The following EHHADH variants were observed in gnomAD, a reference collection of about 807,000 sequenced individuals.
EHHADH encodes enoyl-CoA hydratase and 3-hydroxyacyl CoA dehydrogenase.
EHHADH carries 48 observed loss-of-function variants against 64.4 expected under a neutral mutation model. The ratio of observed to expected loss-of-function variants is 0.75; its 90% CI spans 0.59 to 0.95. EHHADH has a LOEUF of 0.95. Among genes scored for constraint, EHHADH ranks in the 40% least tolerant of loss-of-function variants. The pLI, the probability that EHHADH is intolerant of heterozygous loss-of-function variation, is 0.00. For missense variants in EHHADH, 854 were observed against 876.6 expected (o/e 0.97, Z 0.33); for synonymous variants, 308 against 326.7 (o/e 0.94, Z 0.62).
At position 185,205,969 on chromosome 3, in the gene EHHADH, C is replaced by T. The variant is rs148138622; in HGVS notation, c.569-1212G>A. 4.4e-3 allele frequency among the ~76,000 whole-genome samples: 663 copies of T among 152,020 alleles called. 10 individuals carry two copies. The highest frequency in any genetic ancestry group is 0.015 in the African/African-American group (607 of 41,460). ...AAAGAGGGGCTGTAGGAACAAGCAC[C>T]GAGAAAGTAAGTCAACTATAACCTA... On this transcript the variant is annotated intron_variant, in intron 5 of 6. Transcript: ENST00000231887.
At chr3:185,237,742 T>C (rs1191317216) in intron 2 of EHHADH, among the ~76,000 whole-genome samples, 1 of 152,180 alleles carries the variant, frequency 6.6e-6, no homozygotes, top group Non-Finnish European at 1.5e-5. Context: ...AGCTTCACAG[T>C]ACACTAAGAT....
At chr3:185,245,283 C>T (rs1282978676) in intron 2 of EHHADH, among the ~76,000 whole-genome samples, 1 of 152,212 alleles carries the variant, frequency 6.6e-6, no homozygotes, top group Non-Finnish European at 1.5e-5. Context: ...GTAGTCTATA[C>T]ATATGTCAAC....
rs1717899860 is a variant in EHHADH at position 185,192,369 on chromosome 3, C to G, written c.2029G>C (p.Glu677Gln). The change falls in exon 7 of 7, where the codon GAG becomes CAG. Residue 677 changes from glutamate (E) to glutamine (Q), a missense_variant. Physicochemically the swap from Glu to Gln is conservative, Grantham distance 29 (BLOSUM62 2). Coordinates refer to ENST00000231887, the MANE Select transcript of EHHADH (RefSeq NM_001966.4). ...ASTVGLPTVL[E>Q]KLQKYYRQNP... ...TGCCTGTAATATTTCTGCAATTTCT[C>G]TAGAACTGTGGGCAACCCAACTGTG... 1 of 1,614,182 alleles carries G rather than the reference C, an allele frequency of 6.2e-7. No individual in the cohort carries two copies. Among genetic ancestry groups the G allele is most frequent in the Non-Finnish European group, 8.5e-7 (1 of 1,180,040 alleles).
chr3:185,229,131 G>A (rs530738093), intron 4 of EHHADH, among the ~76,000 whole-genome samples: 1 of 152,296 alleles, frequency 6.6e-6, no homozygotes, highest in African/African-American at 2.4e-5. Flanking sequence ...TGAATATAAT[G>A]CAGTCTATGT....
At position 185,204,652 on chromosome 3, in the gene EHHADH, G is replaced by A. The variant is rs772810052; in HGVS notation, c.674C>T (p.Pro225Leu). The change falls in exon 6 of 7, where the codon CCT (proline) becomes CTT (leucine). Residue 225 changes from proline (P) to leucine (L), a missense_variant. Coordinates refer to ENST00000231887, the MANE Select transcript of EHHADH (RefSeq NM_001966.4). Reference sequence around the variant, plus strand: ...ACAAGCCTCCTGTGCAAGACACCCAGGGTGCTGCCTCCGCATCTTCAAGAG... The same window carrying A: ...ACAAGCCTCCTGTGCAAGACACCCAAGGTGCTGCCTCCGCATCTTCAAGAG... ...EALLKMRRQH[P>L]GCLAQEACVR... 9 of 1,614,100 alleles carry A rather than the reference G, an allele frequency of 5.6e-6. No homozygotes were observed. The highest frequency in any genetic ancestry group is 4.4e-5 in the South Asian group (4 of 91,086).
intron 4 of EHHADH, among the ~76,000 whole-genome samples, chr3:185,224,096 T>C (rs1718906272): frequency 1.3e-5 from 2 of 152,284 alleles, no homozygotes; most frequent in African/African-American, 4.8e-5. Flanking sequence ...TAATTTCCTA[T>C]GGGAACAGTG....
chr3:185,204,546 C>A lies in EHHADH; in HGVS notation c.780G>T (p.Leu260Phe), dbSNP rs775900075. ...GCAGGGCTCTAGCCTGCCCTGATTG[C>A]AAAAGATATAGAAACAGCTCCTCCT... ...KKEEELFLYL[L>F]QSGQARALQY... Residue 260 changes from leucine to phenylalanine, a missense_variant, in exon 6 of 7, where the codon TTG becomes TTT. Physicochemically the swap from Leu to Phe is conservative, Grantham distance 22. Coordinates refer to ENST00000231887, the MANE Select transcript of EHHADH (RefSeq NM_001966.4). 6.2e-7 allele frequency: 1 copy of A among 1,614,174 alleles called. No homozygotes were observed. Among genetic ancestry groups the A allele is most frequent in the South Asian group, 1.1e-5 (1 of 91,082 alleles).
At chr3:185,239,796 G>A (rs557942860) in intron 2 of EHHADH, among the ~76,000 whole-genome samples, 3 of 152,210 alleles carry the variant, frequency 2.0e-5, no homozygotes, top group Non-Finnish European at 2.9e-5. Context: ...GATTGCTCTG[G>A]CTAGGACTTC....
At position 185,201,611 on chromosome 3, in the gene EHHADH, C is replaced by T. The variant is rs954712296; in HGVS notation, c.910+2805G>A. On this transcript the variant is annotated intron_variant, in intron 6 of 6. Transcript: ENST00000231887. The stretch of plus-strand genomic sequence containing the variant: ...GGAAGGTTGCATCACGAAGATGAAA[C>T]GCATGGCAGTGTAGCAATACACATG... Among the ~76,000 whole-genome samples the T allele has an allele frequency of 5.3e-5, 8 of 152,234 alleles. No individual in the cohort carries two copies. The South Asian group carries it at 8.3e-4, about 16-fold the overall frequency.
chr3:185,228,818 T>G (rs374829302), intron 4 of EHHADH, among the ~76,000 whole-genome samples: 1 of 152,196 alleles, frequency 6.6e-6, no homozygotes, highest in African/African-American at 2.4e-5. Context: ...ATTACAATTT[T>G]TTTTTAGATG....
intron 5 of EHHADH, among the ~76,000 whole-genome samples, chr3:185,206,983 G>C (rs1560009944): frequency 1.3e-5 from 2 of 151,934 alleles, no homozygotes; most frequent in African/African-American, 4.8e-5. Context: ...AGATGTATAG[G>C]TGAGAGTAAG....
intron 5 of EHHADH, among the ~76,000 whole-genome samples, chr3:185,205,831 C>G (rs1718373794): frequency 6.6e-6 from 1 of 151,976 alleles, no homozygotes; most frequent in South Asian, 2.1e-4. Flanking sequence ...CCAGAGGGAA[C>G]AGAACTGAGA....
At chr3:185,249,163 C>G (rs1185937663) in intron 1 of EHHADH, among the ~76,000 whole-genome samples, 1 of 151,642 alleles carries the variant, frequency 6.6e-6, no homozygotes, top group East Asian at 1.9e-4. Flanking sequence ...GAGTCTTGCT[C>G]TGTCACCCAG....
intron 4 of EHHADH, among the ~76,000 whole-genome samples, chr3:185,224,429 A>G (rs1718917452): frequency 7.6e-6 from 1 of 131,580 alleles, no homozygotes; most frequent in Admixed American, 8.8e-5. Flanking sequence ...TGAACCCGGG[A>G]GGTGGAGGTT....
intron 2 of EHHADH, among the ~76,000 whole-genome samples, chr3:185,236,731 G>A (rs1020991301): frequency 1.3e-4 from 19 of 151,284 alleles, no homozygotes; most frequent in African/African-American, 3.6e-4. Flanking sequence ...GTTTTGTTTC[G>A]TGTTTTCAAT....
At chr3:185,205,713 C>A (rs976552406) in intron 5 of EHHADH, among the ~76,000 whole-genome samples, 5 of 152,138 alleles carry the variant, frequency 3.3e-5, no homozygotes, top group African/African-American at 1.2e-4. Flanking sequence ...TGCCTTACTG[C>A]CAACCTACTG....
chr3:185,235,411 C>T lies in EHHADH; in HGVS notation c.230G>A (p.Gly77Glu). 1 of 1,613,900 alleles carries T rather than the reference C, an allele frequency of 6.2e-7. No homozygotes were observed. Among genetic ancestry groups the T allele is most frequent in the African/African-American group, 1.3e-5 (1 of 75,012 alleles). ...SAPRTFGLTL[G>E]HVVDEIQRNE... ...TCTCTGTATTTCATCTACTACATGT[C>T]CCAGTGTAAGGCCAAATGTCCTAGG... The change falls in exon 3 of 7, where the codon GGA becomes GAA. Residue 77 changes from glycine to glutamate, a missense_variant. Physicochemically the swap from Gly to Glu is moderately conservative, Grantham distance 98 (BLOSUM62 -2). Coordinates refer to ENST00000231887, the MANE Select transcript of EHHADH (RefSeq NM_001966.4).
intron 2 of EHHADH, among the ~76,000 whole-genome samples, chr3:185,236,932 G>T (rs1719311241): frequency 6.6e-6 from 1 of 152,154 alleles, no homozygotes; most frequent in Admixed American, 6.5e-5. Flanking sequence ...AAGTTAAGCA[G>T]CATAACAATT....
In EHHADH at chr3:185,204,250, G is replaced by A. The variant is rs6802573; in HGVS notation, c.910+166C>T. On this transcript the variant is annotated intron_variant, in intron 6 of 6. Coordinates refer to ENST00000231887, the MANE Select transcript of EHHADH (RefSeq NM_001966.4). ...ACCATTGAGAAGGCTGGCGTCTCTA[G>A]GCCTCTCATGTTAAAGAAGAGAGCT... Among the ~76,000 whole-genome samples, 914 of 152,060 alleles carry A rather than the reference G, an allele frequency of 6.0e-3. 10 individuals carry two copies. The highest frequency in any genetic ancestry group is 0.021 in the African/African-American group (878 of 41,466).
Sources: gnomAD v4.1 joint callset for allele counts (sites outside exome capture counted in the v4.1 genomes callset) on GRCh38, gnomAD v4.1.1 for gene constraint, MANE v1.5 for transcripts, NCBI Gene and HGNC (gene_info 2026-07-23, HGNC 2026-07-21) for gene names.